Variants in TENM2 observed in about 807,000 individuals in gnomAD.
TENM2 encodes teneurin-2.
TENM2 carries 52 observed loss-of-function variants against 245.2 expected under a neutral mutation model. The observed-to-expected ratio is 0.21, with a 90% CI of 0.17 to 0.27. TENM2 has a LOEUF of 0.27. Among genes scored for constraint, TENM2 ranks in the 10% least tolerant of loss-of-function variants. TENM2 has a pLI of 1.00. For missense variants in TENM2, 3,046 were observed against 3,666.8 expected (o/e 0.83, Z 4.37); for synonymous variants, 1,363 against 1,438.9 (o/e 0.95, Z 1.19).
At chr5:167,050,058 A>G in the TENM2 span, among the ~76,000 whole-genome samples, 1 of 152,180 alleles carries the variant, frequency 6.6e-6, no homozygotes, top group Non-Finnish European at 1.5e-5. Flanking sequence ...TGCCAAATAC[A>G]AAGATCGGGA....
intron 2 of TENM2, among the ~76,000 whole-genome samples, chr5:167,869,030 C>T (rs181421749): frequency 1.3e-5 from 2 of 152,164 alleles, no homozygotes; most frequent in South Asian, 2.1e-4. Flanking sequence ...GAGAGGTGAA[C>T]TGAGTTGCTC....
At chr5:167,747,396 A>G (rs992408844) in intron 2 of TENM2, among the ~76,000 whole-genome samples, 1 of 152,188 alleles carries the variant, frequency 6.6e-6, no homozygotes, top group Non-Finnish European at 1.5e-5. Context: ...TCATATATCA[A>G]TTCTCCATTT....
At chr5:167,689,977 C>T (rs1366581085) in intron 2 of TENM2, among the ~76,000 whole-genome samples, 1 of 151,994 alleles carries the variant, frequency 6.6e-6, no homozygotes, top group East Asian at 1.9e-4. Flanking sequence ...GTTAATTTTG[C>T]TTTCAGTGTG....
At chr5:167,510,129 TG>T (rs35630017) in intron 2 of TENM2, among the ~76,000 whole-genome samples, 3 of 152,216 alleles carry the variant, frequency 2.0e-5, no homozygotes, top group Non-Finnish European at 4.4e-5. Flanking sequence ...TTCGTTCAAT[TG>T]AATTTGACTG....
intron 2 of TENM2, among the ~76,000 whole-genome samples, chr5:167,553,682 G>A (rs1480413865): frequency 2.6e-5 from 4 of 152,194 alleles, no homozygotes; most frequent in Admixed American, 6.5e-5. Flanking sequence ...GCTGAATGGT[G>A]CCTGGCTAAT....
chr5:167,284,682 C>T (rs1013308750), upstream of TENM2: 9 of 619,692 alleles, frequency 1.5e-5, no homozygotes, highest in Admixed American at 2.0e-4. Context: ...TTCATGTTTT[C>T]GTCTGAGTCA....
At chr5:167,167,952 A>C in the TENM2 span, among the ~76,000 whole-genome samples, 1 of 152,180 alleles carries the variant, frequency 6.6e-6, no homozygotes, top group African/African-American at 2.4e-5. Flanking sequence ...CTTTGAATCA[A>C]GAGTGGAAAA....
At chr5:167,483,455 C>CA (rs938904234) in intron 2 of TENM2, among the ~76,000 whole-genome samples, 20 of 151,862 alleles carry the variant, frequency 1.3e-4, no homozygotes, top group East Asian at 1.2e-3. Flanking sequence ...CATAAAAGAG[C>CA]AAAAAAAGAG....
At chr5:168,034,154 T>C (rs925586348) in intron 5 of TENM2, among the ~76,000 whole-genome samples, 1 of 102,778 alleles carries the variant, frequency 9.7e-6, no homozygotes, top group Non-Finnish European at 2.1e-5. Flanking sequence ...TATATGTGTA[T>C]ATATATATGT....
At chr5:167,616,051 G>A (rs1777771300) in intron 2 of TENM2, among the ~76,000 whole-genome samples, 1 of 152,102 alleles carries the variant, frequency 6.6e-6, no homozygotes, top group Non-Finnish European at 1.5e-5. Context: ...TTGTTTTGGT[G>A]CCCATTTGGG....
intron 3 of TENM2, among the ~76,000 whole-genome samples, chr5:167,924,142 G>A (rs189658974): frequency 6.6e-6 from 1 of 152,178 alleles, no homozygotes; most frequent in African/African-American, 2.4e-5. Context: ...GGATCTGGTT[G>A]CATCGTCTCC....
chr5:167,732,296 A>C (rs953840145), intron 2 of TENM2, among the ~76,000 whole-genome samples: 1 of 152,162 alleles, frequency 6.6e-6, no homozygotes, highest in Non-Finnish European at 1.5e-5. Context: ...GATTTCTTTT[A>C]GATTTTTTAA....
intron 9 of TENM2, among the ~76,000 whole-genome samples, 193 bp from the exon 12 acceptor site, chr5:168,118,099 G>T (rs1389890930): frequency 6.6e-6 from 1 of 152,222 alleles, no homozygotes; most frequent in African/African-American, 2.4e-5. Flanking sequence ...GCATTTAATT[G>T]GTGGTAGCTG....
intron 2 of TENM2, among the ~76,000 whole-genome samples, chr5:167,612,689 G>A (rs900251734): frequency 2.6e-5 from 4 of 152,000 alleles, no homozygotes; most frequent in Admixed American, 6.6e-5. Context: ...ATCATACATT[G>A]ACTACAAGCA....
the TENM2 span, among the ~76,000 whole-genome samples, chr5:166,983,532 G>A: frequency 6.6e-6 from 1 of 152,104 alleles, no homozygotes; most frequent in Non-Finnish European, 1.5e-5. Context: ...TTGATAAAGA[G>A]AAACTGAAAC....
At chr5:167,953,557 T>G (rs778108236) in intron 4 of TENM2, 1 of 152,554 alleles carries the variant, frequency 6.6e-6, no homozygotes, top group East Asian at 1.9e-4. Flanking sequence ...GGAATGTCAC[T>G]GACAGTGAAG....
At chr5:167,458,193 C>T (rs186976073) in intron 2 of TENM2, among the ~76,000 whole-genome samples, 39 of 152,006 alleles carry the variant, frequency 2.6e-4, no homozygotes, top group Non-Finnish European at 4.1e-4. Context: ...TAAGGTCAGT[C>T]AACATTTTCA....
chr5:167,933,911 A>G (rs1778488514), intron 3 of TENM2, among the ~76,000 whole-genome samples: 1 of 152,248 alleles, frequency 6.6e-6, no homozygotes, highest in Non-Finnish European at 1.5e-5. Flanking sequence ...GTGCTAACAA[A>G]AAATTAGCAA....
chr5:167,009,344 T>C, the TENM2 span, among the ~76,000 whole-genome samples: 3 of 152,174 alleles, frequency 2.0e-5, no homozygotes, highest in Non-Finnish European at 4.4e-5. Context: ...TTTTGATACA[T>C]TCATTAAGTT....
Sources: allele counts gnomAD v4.1 joint callset (sites outside exome capture counted in the v4.1 genomes callset), GRCh38; gene constraint gnomAD v4.1.1; transcripts MANE v1.5; gene names NCBI Gene and HGNC (gene_info 2026-07-23, HGNC 2026-07-21).